Variants in PUS7L observed in about 807,000 individuals in gnomAD.
PUS7L encodes pseudouridine synthase 7 like.
A neutral mutation model predicts 51.1 loss-of-function variants in PUS7L; 49 were observed. That is an observed-to-expected ratio of 0.96 (90% CI 0.76 to 1.22). PUS7L has a LOEUF of 1.22. Ranked by LOEUF, PUS7L falls within the 50% of genes most tolerant of loss-of-function variation. The pLI, the probability that PUS7L is intolerant of heterozygous loss-of-function variation, is 0.00. For synonymous variants in PUS7L, 277 were observed against 276.2 expected (o/e 1.00, Z -0.03); for missense variants, 828 against 820.6 (o/e 1.01, Z -0.11).
At position 43,730,450 on chromosome 12, in the gene PUS7L, A is replaced by C; in HGVS notation, c.2032T>G (p.Leu678Val). ...SHIDETALSL[L>V]ISFDLDASCY... ...GAAGCATCAAGATCAAAAGAGATCA[A>C]AAGAGACAAAGCTGTTTCATCAATG... Residue 678 changes from leucine to valine, a missense_variant, in exon 9 of 9, where the codon TTG becomes GTG. Physicochemically the swap from Leu to Val is conservative, Grantham distance 32 (BLOSUM62 1). Coordinates refer to ENST00000344862, the MANE Select transcript of PUS7L (RefSeq NM_031292.5). The C allele has an allele frequency of 6.2e-7, 1 of 1,613,922 alleles. No individual in the cohort carries two copies. The highest frequency in any genetic ancestry group is 8.5e-7 in the Non-Finnish European group (1 of 1,179,848).
intron 7 of PUS7L, among the ~76,000 whole-genome samples, chr12:43,732,967 A>T (rs968706492): frequency 5.3e-5 from 8 of 152,218 alleles, no homozygotes; most frequent in Non-Finnish European, 1.2e-4. Flanking sequence ...TCATAAGTAT[A>T]CCTACATACT....
Position 43,754,705 on chromosome 12 carries a change from G to GC in PUS7L, c.540dup (p.Gln181AlafsTer14). ...ACAGTTACTAAAAATGGAAATTTCT[G>GC]CCTAATGGCACTGTGTAAACTAGCC... On this transcript the variant is annotated frameshift_variant, in exon 2 of 9. Transcript: ENST00000344862. LOFTEE classifies it high-confidence loss of function. 1 of 1,613,784 alleles carries GC rather than the reference G, an allele frequency of 6.2e-7. No homozygotes were observed. The highest frequency in any genetic ancestry group is 8.5e-7 in the Non-Finnish European group (1 of 1,179,832).
rs950509510 is a variant in PUS7L at position 43,755,222 on chromosome 12, T to G, written c.24A>C (p.Arg8Ser). MEEDTDY[R>S]IRFSSLCFFN... ...AGAAACACAAAGAACTAAACCTGATTCTATAATCTGTATCTTCTTCCATTC... is the reference window on the plus strand; with the variant it reads ...AGAAACACAAAGAACTAAACCTGATGCTATAATCTGTATCTTCTTCCATTC... The change falls in exon 2 of 9, where the codon AGA becomes AGC. Residue 8 changes from arginine (R) to serine (S), a missense_variant. Physicochemically the swap from Arg to Ser is moderately radical, Grantham distance 110 (BLOSUM62 -1). Transcript: ENST00000344862. The G allele has an allele frequency of 6.2e-7, 1 of 1,600,790 alleles. No individual in the cohort carries two copies. Among genetic ancestry groups the G allele is most frequent in the Non-Finnish European group, 8.5e-7 (1 of 1,173,982 alleles).
At chr12:43,739,842 A>C (rs2137694771) in intron 5 of PUS7L, 1 of 152,322 alleles carries the variant, frequency 6.6e-6, no homozygotes, top group Middle Eastern at 3.4e-3. Context: ...TTATATTGAG[A>C]GTACTATCAA....
At position 43,728,063 on chromosome 12, in the gene PUS7L, A is replaced by G. The variant is rs1357999207; in HGVS notation, c.*2313T>C. On this transcript the variant is annotated 3_prime_UTR_variant, in exon 9 of 9. Transcript: ENST00000344862. ...CCTAATAATGAGGTGAAGAAAAAAA[A>G]AAAACTAATCCAAAGATCATGCTTA... is the stretch of plus-strand genomic sequence containing the variant. 6.6e-6 allele frequency: 1 copy of G among 152,120 alleles called. No homozygotes were observed. The highest frequency in any genetic ancestry group is 1.5e-5 in the Non-Finnish European group (1 of 68,020). 9.4% of individuals were successfully genotyped at this position (152,120 alleles called of 1,614,324 possible). A position where few individuals can be genotyped will look rare whatever the true frequency, so the allele number is the denominator to read the frequency against.
At chr12:43,738,455 G>T in intron 5 of PUS7L, 64 bp from the exon 6 acceptor site, 1 of 861,626 alleles carries the variant, frequency 1.2e-6, no homozygotes, top group Non-Finnish European at 1.9e-6. Flanking sequence ...TTTAAAAAAA[G>T]ATGCAAATTC....
chr12:43,758,686 CACAT>C, intron 1 of PUS7L, 40 bp downstream of exon 1: 4 of 835,702 alleles, frequency 4.8e-6, no homozygotes, highest in South Asian at 5.8e-5. Flanking sequence ...CACACACACA[CACAT>C]ACAAGCCCAC....
chr12:43,741,855 A>G (rs902557182), intron 5 of PUS7L, among the ~76,000 whole-genome samples: 6 of 152,236 alleles, frequency 3.9e-5, no homozygotes, highest in Non-Finnish European at 7.3e-5. Flanking sequence ...AGATACTATC[A>G]TAAGAATAAT....
In PUS7L at chr12:43,721,289, T is replaced by C. The variant is rs1944394538; in HGVS notation, c.*9087A>G. On this transcript the variant is annotated 3_prime_UTR_variant, in exon 9 of 9. Transcript: ENST00000344862. The stretch of plus-strand genomic sequence containing the variant: ...ACTTCTTCAAGCCCTGGAATCCTCA[T>C]TTGTTAAATGAGACTAGTTATCATA... 6.6e-6 allele frequency: 1 copy of C among 152,184 alleles called. No individual in the cohort carries two copies. Among genetic ancestry groups the C allele is most frequent in the African/African-American group, 2.4e-5 (1 of 41,456 alleles). 9.4% of individuals were successfully genotyped at this position (152,184 alleles called of 1,614,324 possible).
intron 3 of PUS7L, among the ~76,000 whole-genome samples, chr12:43,746,842 T>C (rs1938195788): frequency 1.3e-5 from 2 of 152,234 alleles, no homozygotes; most frequent in African/African-American, 4.8e-5. Flanking sequence ...TCTAGTTTTT[T>C]GCGTCTGCTA....
chr12:43,754,668 C>T lies in PUS7L; in HGVS notation c.578G>A (p.Ser193Asn), dbSNP rs752145731. 1 of 1,613,698 alleles carries T rather than the reference C, an allele frequency of 6.2e-7. No individual in the cohort carries two copies. Among genetic ancestry groups the T allele is most frequent in the South Asian group, 1.1e-5 (1 of 91,052 alleles). The change falls in exon 2 of 9, where the codon AGT (serine) becomes AAT (asparagine). Residue 193 changes from serine to asparagine, a missense_variant. Physicochemically the swap from Ser to Asn is conservative, Grantham distance 46. Coordinates refer to ENST00000344862, the MANE Select transcript of PUS7L (RefSeq NM_031292.5). ...FPFLVTVGKNSEIVVKPNLEY... is the reference protein window; with the variant it reads ...FPFLVTVGKNNEIVVKPNLEY... ...AAGATTTGGTTTTACAACAATTTCA[C>T]TGTTTTTTCCTACAGTTACTAAAAA...
At chr12:43,757,256 C>T (rs559547566) in intron 1 of PUS7L, among the ~76,000 whole-genome samples, 71 of 152,254 alleles carry the variant, frequency 4.7e-4, no homozygotes, top group African/African-American at 1.6e-3. Context: ...CTGCAACCTC[C>T]GCCTCCCGAG....
intron 6 of PUS7L, 160 bp from the exon 7 acceptor site, chr12:43,736,821 A>T: frequency 3.4e-6 from 2 of 592,292 alleles, no homozygotes; most frequent in South Asian, 2.9e-5. Flanking sequence ...GCTTTAAAAA[A>T]AATAATAAGC....
chr12:43,741,641 C>T (rs191830088), intron 5 of PUS7L, among the ~76,000 whole-genome samples: 200 of 152,290 alleles, frequency 1.3e-3, no homozygotes, highest in African/African-American at 4.5e-3. Flanking sequence ...TTTATTATAT[C>T]AGTTATATTC....
At chr12:43,741,907 T>C (rs1937918388) in intron 5 of PUS7L, among the ~76,000 whole-genome samples, 1 of 152,178 alleles carries the variant, frequency 6.6e-6, no homozygotes, top group African/African-American at 2.4e-5. Flanking sequence ...GTTTTATAGT[T>C]TTCCTCCATT....
At chr12:43,743,324 A>G (rs939261938) in intron 4 of PUS7L, among the ~76,000 whole-genome samples, 2 of 152,250 alleles carry the variant, frequency 1.3e-5, no homozygotes, top group African/African-American at 4.8e-5. Flanking sequence ...AGTCCTCCAC[A>G]CTTACTTTAT....
intron 2 of PUS7L, among the ~76,000 whole-genome samples, chr12:43,749,791 G>A (rs1938355556): frequency 6.6e-6 from 1 of 152,170 alleles, no homozygotes; most frequent in Non-Finnish European, 1.5e-5. Flanking sequence ...ATTAACAAAG[G>A]AACAGAAAAC....
chr12:43,743,605 T>C (rs1330326780), intron 4 of PUS7L, among the ~76,000 whole-genome samples: 1 of 151,828 alleles, frequency 6.6e-6, no homozygotes, highest in Non-Finnish European at 1.5e-5. Flanking sequence ...CTACTAAAAA[T>C]ACAAAAAATT....
intron 7 of PUS7L, among the ~76,000 whole-genome samples, chr12:43,735,481 T>A (rs1346847388): frequency 6.6e-6 from 1 of 152,090 alleles, no homozygotes; most frequent in Non-Finnish European, 1.5e-5. Flanking sequence ...TTATGAATCA[T>A]ATTTAGATAA....
Sources: allele counts gnomAD v4.1 joint callset (sites outside exome capture counted in the v4.1 genomes callset), GRCh38; gene constraint gnomAD v4.1.1; transcripts MANE v1.5; gene names NCBI Gene and HGNC (gene_info 2026-07-23, HGNC 2026-07-21).